Variants in PCDH15 observed in about 807,000 individuals in gnomAD.
The protein encoded by PCDH15 is protocadherin related 15, also known as protocadherin-15.
PCDH15 carries 129 observed loss-of-function variants against 178.5 expected under a neutral mutation model. The observed-to-expected ratio is 0.72, with a 90% CI of 0.63 to 0.84. PCDH15 has a LOEUF of 0.84. Ranked by LOEUF, PCDH15 falls within the 40% of genes least tolerant of loss-of-function variation. PCDH15 has a pLI of 0.00. For synonymous variants in PCDH15, 800 were observed against 732.0 expected, an observed-to-expected ratio of 1.09 and a Z score of -1.50; for missense variants, 2,230 against 2,099.9, an observed-to-expected ratio of 1.06 and a Z score of -1.21.
At chr10:54,383,416 A>G (rs1346738042) in intron 3 of PCDH15, among the ~76,000 whole-genome samples, 1 of 152,202 alleles carries the variant, frequency 6.6e-6, no homozygotes, top group Non-Finnish European at 1.5e-5. Context: ...AAAAATGCTT[A>G]TTAGTACTTA....
At chr10:54,359,509 C>T (rs1175090892) in intron 5 of PCDH15, among the ~76,000 whole-genome samples, 5 of 151,792 alleles carry the variant, frequency 3.3e-5, no homozygotes, top group Admixed American at 3.3e-4. Flanking sequence ...AGACCATTTC[C>T]ATTACCATTT....
chr10:53,920,172 G>T (rs1480314543), intron 25 of PCDH15, among the ~76,000 whole-genome samples: 1 of 151,964 alleles, frequency 6.6e-6, no homozygotes, highest in African/African-American at 2.4e-5. Flanking sequence ...TGAATACAAG[G>T]GCCTGCTTTC....
intron 25 of PCDH15, chr10:53,906,875 C>A (rs957456702): frequency 6.6e-6 from 1 of 151,642 alleles, no homozygotes; most frequent in Non-Finnish European, 1.5e-5. Context: ...GGACACATTA[C>A]CTGACTGTCC....
chr10:54,144,112 T>C (rs917166613), intron 14 of PCDH15, among the ~76,000 whole-genome samples: 2 of 152,028 alleles, frequency 1.3e-5, no homozygotes, highest in Non-Finnish European at 2.9e-5. Flanking sequence ...ATGCTGTGTT[T>C]CAGAAGAAAA....
intron 8 of PCDH15, among the ~76,000 whole-genome samples, chr10:54,260,295 A>AT (rs964358572): frequency 3.2e-4 from 48 of 150,022 alleles, no homozygotes; most frequent in Middle Eastern, 6.8e-3. Context: ...TAAATGTTTA[A>AT]TTTTTTTTTT....
At chr10:54,317,571 T>G (rs2061357273) in intron 7 of PCDH15, 130 bp from the exon 8 acceptor site, 1 of 1,012,482 alleles carries the variant, frequency 9.9e-7, no homozygotes, top group Non-Finnish European at 1.5e-6. Flanking sequence ...GGTCAGGGGT[T>G]TGATACCAGC....
intron 2 of PCDH15, among the ~76,000 whole-genome samples, chr10:54,589,418 C>T (rs1221955839): frequency 2.0e-5 from 3 of 152,104 alleles, no homozygotes; most frequent in Non-Finnish European, 4.4e-5. Flanking sequence ...TTTAATGTTC[C>T]AGTTTTCCTA....
At chr10:54,195,473 T>C (rs1340081157) in intron 11 of PCDH15, among the ~76,000 whole-genome samples, 1 of 152,234 alleles carries the variant, frequency 6.6e-6, no homozygotes, top group Non-Finnish European at 1.5e-5. Context: ...ATATACTGAA[T>C]ATCTGCAAGC....
intron 1 of PCDH15, among the ~76,000 whole-genome samples, chr10:55,260,965 T>C (rs1842133749): frequency 6.6e-6 from 1 of 152,188 alleles, no homozygotes; most frequent in South Asian, 2.1e-4. Context: ...TGAAATCCTT[T>C]GGGCTTGTTA....
At chr10:54,166,046 GA>G (rs1254705901) in intron 13 of PCDH15, among the ~76,000 whole-genome samples, 7 of 152,180 alleles carry the variant, frequency 4.6e-5, no homozygotes, top group African/African-American at 1.7e-4. Context: ...CTTAGTAAAA[GA>G]AAAGCAAATC....
In PCDH15 at chr10:53,940,994, T is replaced by A. The variant is rs1178536541; in HGVS notation, c.3123-19A>T. ...AGGAGGTCTGCAGGTTTAGAGAAGA[T>A]GATGTATTTATTTTTAAATATAATT... On this transcript the variant is annotated intron_variant, in intron 23 of 37. Coordinates refer to ENST00000644397, the MANE Select transcript of PCDH15 (RefSeq NM_001384140.1). The A allele has an allele frequency of 8.8e-6, 13 of 1,479,456 alleles. No homozygotes were observed. The highest frequency in any genetic ancestry group is 1.0e-5 in the Non-Finnish European group (11 of 1,058,428). The allele number at this position is 1,479,456 out of a possible 1,614,324, so 91.6% of individuals were successfully genotyped here. A position where few individuals can be genotyped will look rare whatever the true frequency, so the allele number is the denominator to read the frequency against.
intron 15 of PCDH15, among the ~76,000 whole-genome samples, chr10:54,109,950 A>T (rs1254449790): frequency 6.6e-6 from 1 of 152,226 alleles, no homozygotes; most frequent in East Asian, 1.9e-4. Context: ...ATATCTCAAT[A>T]TCACCCCAAA....
intron 32 of PCDH15, among the ~76,000 whole-genome samples, chr10:53,826,238 A>G (rs545859045): frequency 1.1e-4 from 16 of 151,998 alleles, no homozygotes; most frequent in African/African-American, 2.9e-4. Flanking sequence ...TTGGAAATAG[A>G]ATGTCATGCT....
intron 1 of PCDH15, among the ~76,000 whole-genome samples, chr10:55,254,974 T>C (rs1344530456): frequency 1.3e-5 from 2 of 151,954 alleles, no homozygotes; most frequent in Non-Finnish European, 2.9e-5. Context: ...TATTATACTT[T>C]AAGTTTTAGG....
At chr10:54,792,265 T>C (rs1351492680) in intron 1 of PCDH15, among the ~76,000 whole-genome samples, 1 of 151,788 alleles carries the variant, frequency 6.6e-6, no homozygotes, top group African/African-American at 2.4e-5. Context: ...AGGACAAAAA[T>C]TGCACCATCT....
At chr10:54,187,234 A>G (rs1272444943) in intron 11 of PCDH15, among the ~76,000 whole-genome samples, 1 of 151,916 alleles carries the variant, frequency 6.6e-6, no homozygotes, top group Non-Finnish European at 1.5e-5. Context: ...TACTTCCTTT[A>G]TACCTTAATT....
intron 1 of PCDH15, among the ~76,000 whole-genome samples, chr10:55,262,288 G>C (rs967381964): frequency 2.0e-5 from 3 of 152,114 alleles, no homozygotes; most frequent in African/African-American, 7.2e-5. Flanking sequence ...CCTGGGTAGA[G>C]AAGGGCAGGT....
intron 2 of PCDH15, among the ~76,000 whole-genome samples, chr10:55,050,486 T>A (rs1053866976): frequency 6.6e-6 from 1 of 152,034 alleles, no homozygotes; most frequent in Non-Finnish European, 1.5e-5. Flanking sequence ...TGTTTTAATA[T>A]AATAACAAAG....
chr10:55,163,131 A>G (rs1339911344), intron 2 of PCDH15, among the ~76,000 whole-genome samples: 2 of 152,014 alleles, frequency 1.3e-5, no homozygotes, highest in East Asian at 3.9e-4. Flanking sequence ...TGCCTGCCAA[A>G]CTGTCCTTGA....
Sources: allele counts gnomAD v4.1 joint callset (sites outside exome capture counted in the v4.1 genomes callset), GRCh38; gene constraint gnomAD v4.1.1; transcripts MANE v1.5; gene names NCBI Gene and HGNC (gene_info 2026-07-23, HGNC 2026-07-21).